The following FBXO28 variants were observed in gnomAD, a reference collection of about 807,000 sequenced individuals.
FBXO28 encodes F-box protein 28, also known as F-box only protein 28.
A neutral mutation model predicts 38.1 loss-of-function variants in FBXO28; 8 were observed. The observed-to-expected ratio is 0.21, with a 90% CI of 0.12 to 0.38. The LOEUF is 0.38. Among genes scored for constraint, FBXO28 ranks in the 10% least tolerant of loss-of-function variants. The probability of loss-of-function intolerance (pLI) is 1.00; values close to 1 mark genes in which losing one functional copy is unlikely to be tolerated. For synonymous variants in FBXO28, 168 were observed against 173.8 expected (o/e 0.97, Z 0.26); for missense variants, 345 against 460.6 (o/e 0.75, Z 2.30).
intron 1 of FBXO28, among the ~76,000 whole-genome samples, chr1:224,122,674 C>T (rs540192501): frequency 1.8e-4 from 27 of 152,052 alleles, no homozygotes; most frequent in African/African-American, 6.5e-4. Flanking sequence ...GGCCAGATGG[C>T]TTGTAATGGT....
At chr1:224,154,048 A>G (rs749400538) in intron 4 of FBXO28, among the ~76,000 whole-genome samples, 1 of 152,158 alleles carries the variant, frequency 6.6e-6, no homozygotes, top group African/African-American at 2.4e-5. Flanking sequence ...AAAGTTACAT[A>G]CAGATGCTCC....
chr1:224,154,768 T>C (rs1358730782), intron 4 of FBXO28, among the ~76,000 whole-genome samples: 1 of 148,790 alleles, frequency 6.7e-6, no homozygotes, highest in African/African-American at 2.5e-5. Context: ...AGATTGATCG[T>C]GCCACTGCAC....
At chr1:224,125,584 T>A (rs1387974535) in intron 1 of FBXO28, among the ~76,000 whole-genome samples, 2 of 151,924 alleles carry the variant, frequency 1.3e-5, no homozygotes, top group African/African-American at 2.4e-5. Flanking sequence ...GGTCTTTTCC[T>A]TTTCTTTTCT....
intron 1 of FBXO28, among the ~76,000 whole-genome samples, chr1:224,128,706 G>T (rs150012493): frequency 1.4e-4 from 22 of 152,228 alleles, no homozygotes; most frequent in African/African-American, 5.1e-4. Flanking sequence ...ACCATATCTG[G>T]CTGGGCATGG....
rs538990108 is a variant in FBXO28, at chr1:224,118,000, A to AATTT, written c.267+3633_267+3636dup. 1.3e-3 allele frequency among the ~76,000 whole-genome samples: 75 copies of AATTT among 57,364 alleles called. 1 individual carries two copies. Among genetic ancestry groups the AATTT allele is most frequent in the African/African-American group, 3.0e-3 (65 of 22,004 alleles). 37.6% of individuals were successfully genotyped at this position (57,364 alleles called of 152,430 possible). On this transcript the variant is annotated intron_variant, in intron 1 of 4. Coordinates refer to ENST00000366862, the MANE Select transcript of FBXO28 (RefSeq NM_015176.4). The stretch of plus-strand genomic sequence containing the variant: ...TAGGGAGCTTTTTAATTAATTAATT[A>AATTT]ATTTATTTATTTATTTATTTATTTA...
chr1:224,157,408 T>A lies in FBXO28; in HGVS notation c.769T>A (p.Ser257Thr), dbSNP rs770666477. The change falls in exon 5 of 5, where the codon TCA becomes ACA. Residue 257 changes from serine to threonine, a missense_variant. Around this residue, in one of 6 missense-constraint regions of FBXO28, gnomAD observed 151 missense variants for 188.3 expected, o/e 0.80. Coordinates refer to ENST00000366862, the MANE Select transcript of FBXO28 (RefSeq NM_015176.4). Reference sequence around the variant, plus strand: ...GCAGCTCTTCTCCAAGCAAAATCCTTCAAGACAAGAGGTTACCAAACTCCA... The same window carrying A: ...GCAGCTCTTCTCCAAGCAAAATCCTACAAGACAAGAGGTTACCAAACTCCA... ...TMQLFSKQNPSRQEVTKLQQQ... is the reference protein window; with the variant it reads ...TMQLFSKQNPTRQEVTKLQQQ... 7.4e-6 allele frequency: 12 copies of A among 1,614,022 alleles called. No homozygotes were observed. The highest frequency in any genetic ancestry group is 7.6e-6 in the Non-Finnish European group (9 of 1,180,014).
chr1:224,135,514 AG>A, intron 3 of FBXO28, among the ~76,000 whole-genome samples: 1 of 149,372 alleles, frequency 6.7e-6, no homozygotes, highest in African/African-American at 2.5e-5. Context: ...TGCAAGGCTG[AG>A]GCAGAAGAAT....
chr1:224,124,175 A>G (rs7526301), intron 1 of FBXO28, among the ~76,000 whole-genome samples: 141,103 of 152,256 alleles, frequency 0.93, 66,226 homozygotes, highest in Non-Finnish European at 1. Context: ...TGTATAGCCT[A>G]TGTGTCTTGC....
rs1015079094 is a variant in FBXO28 at position 224,114,194 on chromosome 1, C to T, written c.65C>T (p.Ser22Phe). Residue 22 changes from serine to phenylalanine, a missense_variant, in exon 1 of 5, where the codon TCC becomes TTC. By Grantham distance (155) the Ser-to-Phe change is radical. Coordinates refer to ENST00000366862, the MANE Select transcript of FBXO28 (RefSeq NM_015176.4). Reference protein sequence around the residue: ...EGGGGQGDGGSSLASGSTQRQ... With the variant: ...EGGGGQGDGGFSLASGSTQRQ... ...GGCGGCGGCCAAGGCGACGGCGGTTCCTCTTTGGCCTCCGGCTCTACCCAG... is the reference window on the plus strand; with the variant it reads ...GGCGGCGGCCAAGGCGACGGCGGTTTCTCTTTGGCCTCCGGCTCTACCCAG... 3.2e-6 allele frequency: 5 copies of T among 1,547,872 alleles called. No homozygotes were observed. In the Admixed American group the frequency reaches 5.9e-5, roughly 18 times the overall value.
chr1:224,149,820 G>A (rs950837777), intron 3 of FBXO28, among the ~76,000 whole-genome samples: 2 of 152,232 alleles, frequency 1.3e-5, no homozygotes, highest in African/African-American at 2.4e-5. Context: ...GTTCAGAAAA[G>A]ACTTCTGAGA....
intron 1 of FBXO28, among the ~76,000 whole-genome samples, chr1:224,127,607 C>A (rs1222066086): frequency 6.6e-6 from 1 of 152,048 alleles, no homozygotes; most frequent in African/African-American, 2.4e-5. Flanking sequence ...ATAGATTCTA[C>A]CATATTTTAA....
intron 3 of FBXO28, among the ~76,000 whole-genome samples, chr1:224,143,341 C>T (rs754944995): frequency 6.6e-6 from 1 of 152,192 alleles, no homozygotes; most frequent in Non-Finnish European, 1.5e-5. Flanking sequence ...TGACTTCCTC[C>T]GACATCTCAG....
chr1:224,118,990 CT>C (rs1396925239), intron 1 of FBXO28, among the ~76,000 whole-genome samples: 3 of 152,166 alleles, frequency 2.0e-5, no homozygotes, highest in Non-Finnish European at 4.4e-5. Flanking sequence ...TCTTGGTACT[CT>C]GAGAATAGTT....
chr1:224,144,335 C>G (rs1026219524), intron 3 of FBXO28, among the ~76,000 whole-genome samples: 1 of 151,948 alleles, frequency 6.6e-6, no homozygotes, highest in African/African-American at 2.4e-5. Context: ...GTGGCACACA[C>G]CTATGGTCAC....
chr1:224,141,183 A>G (rs1450444874), intron 3 of FBXO28, among the ~76,000 whole-genome samples: 7 of 151,464 alleles, frequency 4.6e-5, no homozygotes, highest in East Asian at 1.9e-4. Context: ...GGAAAAAAAG[A>G]TACAATCGGC....
At chr1:224,141,891 A>ATT (rs199693010) in intron 3 of FBXO28, among the ~76,000 whole-genome samples, 17,417 of 145,400 alleles carry the variant, frequency 0.12, 1,860 homozygotes, top group African/African-American at 0.28. Context: ...GGCTACATTA[A>ATT]TTTTTTTTTT....
chr1:224,124,982 G>C (rs1407168811), intron 1 of FBXO28, among the ~76,000 whole-genome samples: 1 of 152,024 alleles, frequency 6.6e-6, no homozygotes. Context: ...CCAGCCGAAA[G>C]ATGTATGATC....
At chr1:224,119,723 C>A (rs1656728829) in intron 1 of FBXO28, among the ~76,000 whole-genome samples, 1 of 151,828 alleles carries the variant, frequency 6.6e-6, no homozygotes, top group Non-Finnish European at 1.5e-5. Flanking sequence ...AAGACCTCCT[C>A]AAGATAATAA....
chr1:224,145,903 C>A (rs1165502233), intron 3 of FBXO28, among the ~76,000 whole-genome samples: 1 of 152,062 alleles, frequency 6.6e-6, no homozygotes, highest in East Asian at 1.9e-4. Context: ...CCCATCGCTA[C>A]TAAAAATACA....
Sources: gnomAD v4.1 joint callset for allele counts (sites outside exome capture counted in the v4.1 genomes callset) on GRCh38, gnomAD v4.1.1 for gene constraint, gnomAD v4.1.1 regional missense constraint, MANE v1.5 for transcripts, NCBI Gene and HGNC (gene_info 2026-07-23, HGNC 2026-07-21) for gene names.